The following PCSK5 variants were observed in gnomAD, a reference collection of about 807,000 sequenced individuals.
PCSK5 encodes the protein prohormone convertase 5.
In PCSK5, 129 loss-of-function variants were observed where a neutral mutation model predicts 233.2. The observed-to-expected ratio is 0.55, with a 90% CI of 0.48 to 0.64. PCSK5 has a LOEUF of 0.64. Among genes scored for constraint, PCSK5 ranks in the 30% least tolerant of loss-of-function variants. The pLI is 0.00. For missense variants in PCSK5, 2,076 were observed against 2,430.1 expected, an observed-to-expected ratio of 0.85 and a Z score of 3.06; for synonymous variants, 825 against 879.2, an observed-to-expected ratio of 0.94 and a Z score of 1.09.
chr9:75,918,856 A>G (rs1053941204), intron 1 of PCSK5, among the ~76,000 whole-genome samples: 5 of 152,204 alleles, frequency 3.3e-5, no homozygotes, highest in African/African-American at 1.2e-4. Flanking sequence ...CAATTTGATC[A>G]TATATTTTAA....
At chr9:76,318,839 TA>T (rs1462397686) in intron 30 of PCSK5, among the ~76,000 whole-genome samples, 2 of 152,210 alleles carry the variant, frequency 1.3e-5, no homozygotes, top group Non-Finnish European at 2.9e-5. Context: ...TAAAATTTAT[TA>T]ATTGAATAAA....
At chr9:76,339,194 A>C (rs981691073) in intron 35 of PCSK5, among the ~76,000 whole-genome samples, 35 of 152,126 alleles carry the variant, frequency 2.3e-4, no homozygotes, top group African/African-American at 8.0e-4. Flanking sequence ...TGCCATAAAT[A>C]TATGAGCACC....
intron 5 of PCSK5, among the ~76,000 whole-genome samples, chr9:76,050,405 CA>C: frequency 6.6e-6 from 1 of 152,110 alleles, no homozygotes; most frequent in African/African-American, 2.4e-5. Flanking sequence ...TGATACAGGT[CA>C]TTATTTCTTT....
chr9:76,328,489 C>G (rs1238869656), intron 33 of PCSK5, among the ~76,000 whole-genome samples: 2 of 152,164 alleles, frequency 1.3e-5, no homozygotes, highest in African/African-American at 4.8e-5. Flanking sequence ...CGTGGGCTCT[C>G]TCCCCCCTTC....
At chr9:76,240,819 A>G in intron 24 of PCSK5, 135 bp downstream of exon 24, 1 of 662,032 alleles carries the variant, frequency 1.5e-6, no homozygotes, top group Admixed American at 2.3e-5. Context: ...CGTCTTAAGT[A>G]GGCTTTCTTC....
intron 10 of PCSK5, among the ~76,000 whole-genome samples, chr9:76,154,092 T>C (rs141661572): frequency 7.9e-5 from 12 of 152,346 alleles, no homozygotes; most frequent in African/African-American, 2.9e-4. Flanking sequence ...CCAACACATT[T>C]ATTATGCAAT....
chr9:75,988,308 CAG>C (rs945134133), intron 3 of PCSK5, among the ~76,000 whole-genome samples: 12 of 148,414 alleles, frequency 8.1e-5, no homozygotes, highest in Non-Finnish European at 1.5e-4. Context: ...TTTTTTTTGA[CAG>C]AGTCTCGCTC....
intron 1 of PCSK5, among the ~76,000 whole-genome samples, chr9:75,891,716 G>A (rs932892358): frequency 2.0e-5 from 3 of 151,982 alleles, no homozygotes; most frequent in Non-Finnish European, 4.4e-5. Context: ...CTAGTAATCT[G>A]AGGCAGTCTC....
At chr9:76,007,439 G>T (rs1371271341) in intron 3 of PCSK5, among the ~76,000 whole-genome samples, 1 of 152,082 alleles carries the variant, frequency 6.6e-6, no homozygotes, top group Non-Finnish European at 1.5e-5. Context: ...TAGATCATTA[G>T]TAGCAATTGT....
intron 13 of PCSK5, among the ~76,000 whole-genome samples, chr9:76,170,922 C>A (rs1823305031): frequency 6.6e-6 from 1 of 152,100 alleles, no homozygotes; most frequent in South Asian, 2.1e-4. Flanking sequence ...TTATCCCTTC[C>A]CTAGTTCTGT....
chr9:76,120,950 G>C (rs773167433), intron 9 of PCSK5, among the ~76,000 whole-genome samples: 4 of 152,012 alleles, frequency 2.6e-5, no homozygotes, highest in Non-Finnish European at 5.9e-5. Context: ...CAGGATTGTT[G>C]CTAGGATTAA....
intron 11 of PCSK5, 25 bp downstream of exon 11, chr9:76,157,187 C>A: frequency 1.4e-6 from 2 of 1,479,706 alleles, no homozygotes; most frequent in Middle Eastern, 2.1e-4. Flanking sequence ...CGGCAAACAG[C>A]ATGACAATGC....
chr9:76,184,378 G>T (rs1311747565), intron 16 of PCSK5, among the ~76,000 whole-genome samples: 1 of 22,054 alleles, frequency 4.5e-5, no homozygotes, highest in African/African-American at 1.9e-4. Flanking sequence ...GAGAGACTAG[G>T]AAGAAGAAGA....
intron 5 of PCSK5, 48 bp downstream of exon 5, chr9:76,027,085 T>C (rs1828457625): frequency 8.3e-7 from 1 of 1,205,170 alleles, no homozygotes; most frequent in Non-Finnish European, 1.2e-6. Flanking sequence ...CAAGGAGCTT[T>C]GTTTTCTGCT....
intron 34 of PCSK5, among the ~76,000 whole-genome samples, chr9:76,337,015 G>A (rs1376752254): frequency 1.3e-5 from 2 of 151,580 alleles, no homozygotes; most frequent in Non-Finnish European, 2.9e-5. Flanking sequence ...ATGAATAGTG[G>A]TTATAGTTAT....
At position 75,932,273 on chromosome 9, in the gene PCSK5, T is replaced by G. The variant is rs182489587; in HGVS notation, c.193-106T>G. On this transcript the variant is annotated intron_variant, in intron 1 of 37. Coordinates refer to ENST00000674117, the MANE Select transcript of PCSK5 (RefSeq NM_001372043.1). ...CCAGCAGCTGCATAATTTATGGACC[T>G]TTTTTGTTTTGTGTTCCTTTTTAAA... 52 of 690,420 alleles carry G rather than the reference T, an allele frequency of 7.5e-5. No individual in the cohort carries two copies. In the East Asian group the frequency reaches 1.3e-3, roughly 17 times the overall value. The allele number at this position is 690,420 out of a possible 1,614,324, so 42.8% of individuals were successfully genotyped here. A position where few individuals can be genotyped will look rare whatever the true frequency, so the allele number is the denominator to read the frequency against.
intron 10 of PCSK5, among the ~76,000 whole-genome samples, chr9:76,150,616 A>G (rs1823632925): frequency 6.6e-6 from 1 of 152,154 alleles, no homozygotes; most frequent in African/African-American, 2.4e-5. Context: ...CTGGGCAACA[A>G]GAGTGAAACT....
chr9:76,323,090 CA>C lies in PCSK5; in HGVS notation c.4142del (p.His1381ProfsTer73), dbSNP rs1364077376. ...GTTCTTCCTGCACGATGATATGTGC[CA>C]CCAGTCCTGTCCCCGTGGCTTCTAT... ...PEFFLHDDMC[H>X]QSCPRGFYAD... is the part of the protein sequence containing the mutation. On this transcript the variant is annotated frameshift_variant, in exon 32 of 38. Coordinates refer to ENST00000674117, the MANE Select transcript of PCSK5 (RefSeq NM_001372043.1). LOFTEE classifies it high-confidence loss of function. The C allele has an allele frequency of 6.2e-7, 1 of 1,609,572 alleles. No individual in the cohort carries two copies. The highest frequency in any genetic ancestry group is 1.1e-5 in the South Asian group (1 of 90,410).
chr9:76,297,567 C>T (rs934074102), intron 27 of PCSK5, among the ~76,000 whole-genome samples: 1 of 152,152 alleles, frequency 6.6e-6, no homozygotes. Context: ...CAGTTATAGG[C>T]TTCCTTGCAA....
Sources: gnomAD v4.1 joint callset for allele counts (sites outside exome capture counted in the v4.1 genomes callset) on GRCh38, gnomAD v4.1.1 for gene constraint, MANE v1.5 for transcripts, NCBI Gene and HGNC (gene_info 2026-07-23, HGNC 2026-07-21) for gene names.